ARMH3: variants seen among roughly 807,000 people sequenced by gnomAD.
The protein encoded by ARMH3 is armadillo-like helical domain-containing protein 3.
A neutral mutation model predicts 99.1 loss-of-function variants in ARMH3; 60 were observed. That is an observed-to-expected ratio of 0.61 (90% CI 0.49 to 0.75). The LOEUF is 0.75. Among genes scored for constraint, ARMH3 ranks in the 30% least tolerant of loss-of-function variants. The pLI, the probability that ARMH3 is intolerant of heterozygous loss-of-function variation, is 0.00. For synonymous variants in ARMH3, 285 were observed against 292.8 expected (o/e 0.97, Z 0.27); for missense variants, 679 against 843.1 (o/e 0.81, Z 2.41).
At chr10:101,962,251 C>G (rs1373391913) in intron 20 of ARMH3, among the ~76,000 whole-genome samples, 1 of 152,146 alleles carries the variant, frequency 6.6e-6, no homozygotes, top group Non-Finnish European at 1.5e-5. Context: ...TGCCCATGGG[C>G]CCATACTCCA....
chr10:102,031,939 CCT>C (rs375416676), intron 4 of ARMH3, among the ~76,000 whole-genome samples: 428 of 152,196 alleles, frequency 2.8e-3, no homozygotes, highest in African/African-American at 8.9e-3. Flanking sequence ...GGGGTTTCCC[CCT>C]GTTAGCCAGG....
chr10:101,894,870 CAAA>C (rs140398612), intron 23 of ARMH3, among the ~76,000 whole-genome samples: 2 of 86,404 alleles, frequency 2.3e-5, no homozygotes, highest in African/African-American at 8.5e-5. Flanking sequence ...GAAACTCTGC[CAAA>C]AAAAAAAAAA....
At chr10:101,878,821 T>C (rs1030466001) in intron 24 of ARMH3, among the ~76,000 whole-genome samples, 9 of 151,858 alleles carry the variant, frequency 5.9e-5, no homozygotes, top group African/African-American at 2.2e-4. Context: ...AACAAGACCT[T>C]GTCTCTAAAA....
At chr10:101,862,200 A>G (rs775140346) in intron 24 of ARMH3, among the ~76,000 whole-genome samples, 1 of 152,220 alleles carries the variant, frequency 6.6e-6, no homozygotes, top group Non-Finnish European at 1.5e-5. Context: ...TATGACAACA[A>G]TAGTACCAAT....
At chr10:102,051,157 CAAAA>C (rs774209681) in intron 1 of ARMH3, among the ~76,000 whole-genome samples, 10 of 57,034 alleles carry the variant, frequency 1.8e-4, no homozygotes, top group Non-Finnish European at 2.1e-4. Flanking sequence ...GACTCTGTCT[CAAAA>C]AAAAAAAAAA....
chr10:101,853,144 G>A lies in ARMH3; in HGVS notation c.1861-3252C>T, dbSNP rs555146432. Among the ~76,000 whole-genome samples, 15 of 151,118 alleles carry A rather than the reference G, an allele frequency of 9.9e-5. 1 individual carries two copies. The highest frequency in any genetic ancestry group is 2.6e-4 in the Admixed American group (4 of 15,122). On this transcript the variant is annotated intron_variant, in intron 24 of 25. Transcript: ENST00000370033. Reference sequence around the variant, plus strand: ...GATCTCAGGTGCTCCACCCGCCTCAGTCTCTCAAAGTGCTGGGATTACAGG... The same window carrying A: ...GATCTCAGGTGCTCCACCCGCCTCAATCTCTCAAAGTGCTGGGATTACAGG...
At chr10:102,022,418 G>C (rs930014709) in intron 8 of ARMH3, among the ~76,000 whole-genome samples, 4 of 147,194 alleles carry the variant, frequency 2.7e-5, no homozygotes, top group Admixed American at 2.0e-4. Context: ...CGTGAACCCA[G>C]GAGGCGGAGC....
chr10:102,041,075 C>CATATATATATATATAATATATATATAT (rs199540605), intron 1 of ARMH3, among the ~76,000 whole-genome samples: 6 of 132,008 alleles, frequency 4.5e-5, no homozygotes, highest in Non-Finnish European at 6.5e-5. Flanking sequence ...ATTGTGTGTA[C>CATATATATATATATAATATATATATAT]ATATATATAT....
intron 19 of ARMH3, among the ~76,000 whole-genome samples, chr10:101,985,295 C>T (rs912957531): frequency 9.0e-5 from 11 of 122,016 alleles, no homozygotes; most frequent in African/African-American, 1.2e-4. Flanking sequence ...TATATACACA[C>T]GTATATATAC....
At chr10:101,849,408 G>A (rs1387018562) in intron 25 of ARMH3, among the ~76,000 whole-genome samples, 2 of 152,274 alleles carry the variant, frequency 1.3e-5, no homozygotes, top group African/African-American at 4.8e-5. Flanking sequence ...TCAGACCAGC[G>A]GCCAGTTAGG....
chr10:101,944,975 TA>T (rs1029592984), intron 22 of ARMH3, among the ~76,000 whole-genome samples: 3 of 152,160 alleles, frequency 2.0e-5, no homozygotes, highest in Non-Finnish European at 4.4e-5. Flanking sequence ...AATATCTTTT[TA>T]AAAAATGGTG....
At chr10:101,927,571 CT>C (rs1843558857) in intron 23 of ARMH3, among the ~76,000 whole-genome samples, 1 of 152,220 alleles carries the variant, frequency 6.6e-6, no homozygotes, top group South Asian at 2.1e-4. Context: ...TTATCACTGT[CT>C]TAGTCACACA....
chr10:102,036,866 TAAA>T (rs750365326), intron 2 of ARMH3, among the ~76,000 whole-genome samples: 2 of 77,928 alleles, frequency 2.6e-5, no homozygotes, highest in Non-Finnish European at 5.7e-5. Context: ...GAATGATCAA[TAAA>T]AAAAAAAAAA....
chr10:101,901,113 C>T (rs1391344270), intron 23 of ARMH3, among the ~76,000 whole-genome samples: 1 of 151,136 alleles, frequency 6.6e-6, no homozygotes, highest in Non-Finnish European at 1.5e-5. Context: ...ATGAGCCATA[C>T]ATAATACCTC....
At chr10:102,028,699 G>C (rs1012084544) in intron 5 of ARMH3, among the ~76,000 whole-genome samples, 33 of 152,202 alleles carry the variant, frequency 2.2e-4, no homozygotes, top group Non-Finnish European at 2.5e-4. Context: ...TAAACCCATA[G>C]AGACATAAAG....
intron 14 of ARMH3, among the ~76,000 whole-genome samples, chr10:102,005,380 CAAA>C (rs11344018): frequency 1.2e-4 from 8 of 64,888 alleles, no homozygotes; most frequent in Admixed American, 1.8e-4. Context: ...GACTCTGTCT[CAAA>C]AAAAAAAAAA....
chr10:101,944,277 G>T (rs373082789), intron 22 of ARMH3, among the ~76,000 whole-genome samples: 2,829 of 14,412 alleles, frequency 0.2, 23 homozygotes, highest in African/African-American at 0.23. Flanking sequence ...TATATATAGA[G>T]AGAGAGAGAG....
At chr10:102,036,534 G>A (rs1413607840) in intron 2 of ARMH3, among the ~76,000 whole-genome samples, 2 of 152,116 alleles carry the variant, frequency 1.3e-5, no homozygotes, top group East Asian at 3.9e-4. Context: ...TACTGGGAGG[G>A]GTTCTTCTGC....
intron 2 of ARMH3, among the ~76,000 whole-genome samples, chr10:102,039,440 GC>G (rs374084932): frequency 1.4e-4 from 21 of 152,314 alleles, no homozygotes; most frequent in African/African-American, 5.1e-4. Context: ...ACCGCGCCCA[GC>G]CCCTGATAGG....
Sources: gnomAD v4.1 joint callset for allele counts (sites outside exome capture counted in the v4.1 genomes callset) on GRCh38, gnomAD v4.1.1 for gene constraint, MANE v1.5 for transcripts, NCBI Gene and HGNC (gene_info 2026-07-23, HGNC 2026-07-21) for gene names.